The following LRRC73 variants were observed in gnomAD, a reference collection of about 807,000 sequenced individuals.
LRRC73 encodes leucine rich repeat containing 73, also known as leucine-rich repeat-containing protein 73.
In LRRC73, 16 loss-of-function variants were observed where a neutral mutation model predicts 26.4. The observed-to-expected ratio is 0.61, with a 90% confidence interval of 0.41 to 0.92. The LOEUF (loss-of-function observed/expected upper bound fraction) is 0.92, where lower values mean the gene tolerates loss of function less well. LRRC73 is among the 40% of genes least tolerant of loss of function. The pLI is 0.00. For missense variants in LRRC73, 344 were observed against 416.3 expected (o/e 0.83, Z 1.51); for synonymous variants, 210 against 179.8 (o/e 1.17, Z -1.34).
At chr6:43,508,483 C>T (rs1792573671) in intron 2 of LRRC73, 63 bp from the exon 3 acceptor site, 2 of 1,607,222 alleles carry the variant, frequency 1.2e-6, no homozygotes, top group Admixed American at 1.7e-5. Flanking sequence ...AGCCCTTCCC[C>T]ACAATCCCTG....
At chr6:43,509,795 G>A (rs1430085153) in exon 1 of LRRC73, 5 of 1,512,494 alleles carry the variant, frequency 3.3e-6, no homozygotes, top group African/African-American at 1.4e-5. Flanking sequence ...TCGTGCCCAC[G>A]GCTGGGCCTC....
At chr6:43,507,474 A>T in exon 5 of LRRC73, 1 of 1,612,998 alleles carries the variant, frequency 6.2e-7, no homozygotes. Flanking sequence ...CACATCCAGG[A>T]GCTGCTGCCT....
At chr6:43,508,177 C>G in intron 3 of LRRC73, 121 bp downstream of exon 3, 1 of 1,405,266 alleles carries the variant, frequency 7.1e-7, no homozygotes, top group East Asian at 2.5e-5. Flanking sequence ...TCCTTGACCC[C>G]TGGGGGCTCC....
chr6:43,507,357 G>GGGGA, intron 5 of LRRC73, 49 bp from the exon 6 acceptor site: 5 of 1,611,118 alleles, frequency 3.1e-6, no homozygotes, highest in Non-Finnish European at 4.2e-6. Context: ...TCCTCCAATG[G>GGGGA]GGACCACAGA....
intron 3 of LRRC73, 126 bp downstream of exon 3, chr6:43,508,172 G>A: frequency 7.3e-7 from 1 of 1,368,020 alleles, no homozygotes; most frequent in Non-Finnish European, 9.8e-7. Flanking sequence ...CTATCTCCTT[G>A]ACCCCTGGGG....
At chr6:43,509,859 G>C in exon 1 of LRRC73, 1 of 1,330,084 alleles carries the variant, frequency 7.5e-7, no homozygotes, top group Non-Finnish European at 9.6e-7. Context: ...GCCGGGGATA[G>C]GGCCGGGGTC....
exon 5 of LRRC73, chr6:43,507,606 G>T (rs1474439642): frequency 6.2e-7 from 1 of 1,614,064 alleles, no homozygotes; most frequent in Non-Finnish European, 8.5e-7. Context: ...TGCAGCTCTG[G>T]GCTAATGCTG....
chr6:43,508,218 T>A, intron 3 of LRRC73, 80 bp downstream of exon 3: 4 of 1,523,808 alleles, frequency 2.6e-6, no homozygotes, highest in Non-Finnish European at 1.8e-6. Context: ...GTGTACGGGT[T>A]ACCATGTCAA....
chr6:43,508,847 C>A (rs61746795), exon 2 of LRRC73: 1 of 1,613,032 alleles, frequency 6.2e-7, no homozygotes, highest in South Asian at 1.1e-5. Context: ...TCCAGAGCCA[C>A]GAGGGCAGGG....
intron 3 of LRRC73, 49 bp downstream of exon 3, chr6:43,508,249 G>A (rs1256277794): frequency 6.4e-7 from 1 of 1,561,990 alleles, no homozygotes; most frequent in Non-Finnish European, 8.7e-7. Flanking sequence ...CAGGCTCTTG[G>A]ATAGGGCATG....
In LRRC73 at chr6:43,507,934, G is replaced by A. The variant is rs1792546377; in HGVS notation, c.557-8C>T. On this transcript the variant is annotated splice_region_variant and splice_polypyrimidine_tract_variant and intron_variant, in intron 3 of 5. Coordinates refer to ENST00000372441, the Ensembl canonical transcript of LRRC73. Reference sequence around the variant, plus strand: ...TTCCTGCCACATGGTCACCTGGGGAGACAACACACGTGCACACATTCATAC... The same window carrying A: ...TTCCTGCCACATGGTCACCTGGGGAAACAACACACGTGCACACATTCATAC... 3.1e-6 allele frequency: 5 copies of A among 1,612,044 alleles called. No individual in the cohort carries two copies. The highest frequency in any genetic ancestry group is 4.2e-6 in the Non-Finnish European group (5 of 1,178,402).
chr6:43,509,370 A>C (rs370698562), intron 1 of LRRC73, 144 bp downstream of exon 1: 3 of 1,067,448 alleles, frequency 2.8e-6, no homozygotes, highest in Admixed American at 6.0e-5. Context: ...GGTGCTGTGA[A>C]GGCATGGGCC....
At chr6:43,509,664 C>T in exon 1 of LRRC73, 1 of 1,594,566 alleles carries the variant, frequency 6.3e-7, no homozygotes, top group Non-Finnish European at 8.5e-7. Flanking sequence ...GTCGCGGTCG[C>T]AGAGGCGGCA....
exon 1 of LRRC73, chr6:43,509,625 C>T (rs1038353730): frequency 6.2e-7 from 1 of 1,603,500 alleles, no homozygotes; most frequent in African/African-American, 1.3e-5. Flanking sequence ...GGACGTGGCC[C>T]CGGCCAGGGC....
At chr6:43,509,633 G>C (rs779582860) in exon 1 of LRRC73, 1 of 1,602,560 alleles carries the variant, frequency 6.2e-7, no homozygotes, top group South Asian at 1.1e-5. Context: ...CCCCGGCCAG[G>C]GCCCGGCAGA....
chr6:43,510,154 C>CGCGGCG (rs914747735), exon 1 of LRRC73: 14 of 178,176 alleles, frequency 7.9e-5, no homozygotes, highest in South Asian at 1.6e-4. Context: ...CCCTCGCGGT[C>CGCGGCG]GCGGCGGCGG....
Position 43,508,184 on chromosome 6 carries a change from C to T in LRRC73, c.556+114G>A, listed in dbSNP as rs189561232. ...AAGCTATCTCCTTGACCCCTGGGGG[C>T]TCCCGTTTCTCTTCCCTCTCCCAGT... On this transcript the variant is annotated intron_variant, in intron 3 of 5. Transcript: ENST00000372441. The T allele has an allele frequency of 1.8e-4, 250 of 1,421,070 alleles. 1 individual carries two copies. Among genetic ancestry groups the T allele is most frequent in the Non-Finnish European group, 2.3e-4 (244 of 1,063,550 alleles). The allele number at this position is 1,421,070 out of a possible 1,614,324, so 88.0% of individuals were successfully genotyped here. A position where few individuals can be genotyped will look rare whatever the true frequency, so the allele number is the denominator to read the frequency against.
At position 43,507,199 on chromosome 6, in the gene LRRC73, A is replaced by G. The variant is rs770780292; in HGVS notation, c.*39T>C. 5 of 1,608,278 alleles carry G rather than the reference A, an allele frequency of 3.1e-6. No individual in the cohort carries two copies. The African/African-American group carries it at 5.3e-5, about 17-fold the overall frequency. ...ATATCTGGGGCAAGGTGCTCGGGAC[A>G]TAGATAAGTGAAATGGTGTGCAGAG... On this transcript the variant is annotated 3_prime_UTR_variant, in exon 6 of 6. Coordinates refer to ENST00000372441, the Ensembl canonical transcript of LRRC73.
chr6:43,508,067 A>G (rs1792553312), intron 3 of LRRC73, 141 bp from the exon 4 acceptor site: 2 of 979,212 alleles, frequency 2.0e-6, no homozygotes, highest in Admixed American at 4.9e-5. Flanking sequence ...GGAAGGGATC[A>G]TTGTGATTGG....
Sources: gnomAD v4.1 joint callset for allele counts on GRCh38, gnomAD v4.1.1 for gene constraint, MANE v1.5 for transcripts, NCBI Gene and HGNC (gene_info 2026-07-23, HGNC 2026-07-21) for gene names.